Variants in GLP1R observed in about 807,000 individuals in gnomAD.
GLP1R encodes glucagon-like peptide 1 receptor.
A neutral mutation model predicts 68.4 loss-of-function variants in GLP1R; 32 were observed. The observed-to-expected ratio is 0.47, with a 90% confidence interval of 0.35 to 0.63. GLP1R has a LOEUF of 0.63. Ranked by LOEUF, GLP1R falls within the 20% of genes least tolerant of loss-of-function variation. The pLI is 0.00. For synonymous variants in GLP1R, 263 were observed against 244.4 expected (o/e 1.08, Z -0.71); for missense variants, 502 against 594.9 (o/e 0.84, Z 1.62).
Position 39,056,444 on chromosome 6 carries a change from C to T in GLP1R, c.126C>T (p.Tyr42=). 6.2e-7 allele frequency: 1 copy of T among 1,610,438 alleles called. No homozygotes were observed. The change falls in exon 2 of 13, where the codon TAC becomes TAT. Residue 42 remains tyrosine, a synonymous_variant. Coordinates refer to ENST00000373256, the MANE Select transcript of GLP1R (RefSeq NM_002062.5). ...LWETVQKWRE[Y]RRQCQRSLTE... is the part of the protein sequence containing the mutation. The stretch of plus-strand genomic sequence containing the variant: ...AGACGGTGCAGAAATGGCGAGAATA[C>T]CGACGCCAGTGCCAGCGCTCCCTGA...
intron 5 of GLP1R, among the ~76,000 whole-genome samples, chr6:39,067,483 G>GGGTGAAAAGCTCTCACAAACAC (rs1447136079): frequency 1.3e-5 from 2 of 152,176 alleles, no homozygotes; most frequent in Admixed American, 1.3e-4. Context: ...AGGGGCAAAT[G>GGGTGAAAAGCTCTCACAAACAC]GGTGAAAAGC....
intron 3 of GLP1R, among the ~76,000 whole-genome samples, chr6:39,063,983 TCTC>T (rs1768428663): frequency 6.8e-6 from 1 of 146,762 alleles, no homozygotes; most frequent in African/African-American, 2.5e-5. Context: ...TGAAGCCTCT[TCTC>T]AGGAGACTCA....
At chr6:39,057,414 G>T (rs777154542) in intron 2 of GLP1R, 58 bp from the exon 3 acceptor site, 3 of 1,118,332 alleles carry the variant, frequency 2.7e-6, no homozygotes, top group African/African-American at 1.5e-5. Context: ...GGGAAGGGAG[G>T]GAAAGGGCCA....
chr6:39,052,816 G>A (rs567516153), intron 1 of GLP1R, among the ~76,000 whole-genome samples: 2 of 152,340 alleles, frequency 1.3e-5, no homozygotes, highest in African/African-American at 2.4e-5. Flanking sequence ...GGCAACTGAT[G>A]AGGAAACTGA....
Position 39,048,913 on chromosome 6 carries a change from C to T in GLP1R, c.73C>T (p.Pro25Ser). 7.2e-7 allele frequency: 1 copy of T among 1,387,178 alleles called. No homozygotes were observed. The allele number at this position is 1,387,178 out of a possible 1,614,324, so 85.9% of individuals were successfully genotyped here. Reference protein sequence around the residue: ...LGMVGRAGPRPQGATVSLWET... With the variant: ...LGMVGRAGPRSQGATVSLWET... Reference sequence around the variant, plus strand: ...GATGGTGGGCAGGGCCGGCCCCCGCCCCCAGGTGAGATCCAGGGACCCCGA... The same window carrying T: ...GATGGTGGGCAGGGCCGGCCCCCGCTCCCAGGTGAGATCCAGGGACCCCGA... Residue 25 changes from proline to serine, a missense_variant, in exon 1 of 13, where the codon CCC becomes TCC. Transcript: ENST00000373256.
chr6:39,052,298 G>A (rs1440745812), intron 1 of GLP1R, among the ~76,000 whole-genome samples: 2 of 152,188 alleles, frequency 1.3e-5, no homozygotes, highest in Non-Finnish European at 2.9e-5. Flanking sequence ...ACAAGGGGCG[G>A]TCAAAGAGAC....
chr6:39,078,846 G>C (rs1163481560), intron 8 of GLP1R, 111 bp from the exon 9 acceptor site: 1 of 902,882 alleles, frequency 1.1e-6, no homozygotes, highest in African/African-American at 1.6e-5. Context: ...TGGGAGCTGT[G>C]TGTGTGGCAC....
chr6:39,072,091 A>C (rs1768685240), intron 5 of GLP1R, among the ~76,000 whole-genome samples: 1 of 152,254 alleles, frequency 6.6e-6, no homozygotes, highest in Admixed American at 6.5e-5. Context: ...ACTTATCAGC[A>C]ACCTTGCTAA....
chr6:39,084,509 A>G (rs1769094591), intron 12 of GLP1R, among the ~76,000 whole-genome samples: 1 of 152,110 alleles, frequency 6.6e-6, no homozygotes, highest in Non-Finnish European at 1.5e-5. Context: ...CGGAAGGGCT[A>G]TGAAACAAGC....
chr6:39,049,637 C>T lies in GLP1R; in HGVS notation c.78+719C>T, dbSNP rs149208089. On this transcript the variant is annotated intron_variant, in intron 1 of 12. Transcript: ENST00000373256. This position sits in a 1 kb window ranked among gnomAD's most constrained non-coding sequence, Gnocchi z 4.5. ...ACCCACTCTGCTGACCTCCCATTCT[C>T]ATCCTGCACTGACAGCAGGCCCCAA... 4.4e-3 allele frequency among the ~76,000 whole-genome samples: 665 copies of T among 152,270 alleles called. 5 individuals carry two copies. The highest frequency in any genetic ancestry group is 0.015 in the African/African-American group (618 of 41,540).
chr6:39,055,916 G>T (rs1216332509), intron 1 of GLP1R, among the ~76,000 whole-genome samples: 3 of 152,106 alleles, frequency 2.0e-5, no homozygotes, highest in Non-Finnish European at 4.4e-5. Flanking sequence ...GCTTCCTGGG[G>T]GGGCTGTGCA....
At position 39,089,326 on chromosome 6, in the gene GLP1R, T is replaced by C. The variant is rs1769221050; in HGVS notation, c.*3253T>C. Among the ~76,000 whole-genome samples the C allele has an allele frequency of 6.6e-6, 1 of 152,192 alleles. No homozygotes were observed. Among genetic ancestry groups the C allele is most frequent in the Non-Finnish European group, 1.5e-5 (1 of 68,028 alleles). On this transcript the variant is annotated 3_prime_UTR_variant, in exon 13 of 13. Coordinates refer to ENST00000373256, the MANE Select transcript of GLP1R (RefSeq NM_002062.5). The surrounding 1 kb of genome is among the most constrained non-coding windows in gnomAD (Gnocchi z 4.1). ...TCTCTATGTGTTTGAAAAGTTGTAT[T>C]GATAGTCACACAGAGTGTACTAAAA...
At position 39,071,606 on chromosome 6, in the gene GLP1R, C is replaced by T. The variant is rs148179821; in HGVS notation, c.510-1256C>T. Reference sequence around the variant, plus strand: ...CCTTGGTTTGCAATGACTGCCATTCCATGCAGCAAGGCTCCACGTATGTAT... The same window carrying T: ...CCTTGGTTTGCAATGACTGCCATTCTATGCAGCAAGGCTCCACGTATGTAT... On this transcript the variant is annotated intron_variant, in intron 5 of 12. Coordinates refer to ENST00000373256, the MANE Select transcript of GLP1R (RefSeq NM_002062.5). Among the ~76,000 whole-genome samples the T allele has an allele frequency of 3.1e-3, 472 of 152,140 alleles. 3 individuals are homozygous for T. Among genetic ancestry groups the T allele is most frequent in the African/African-American group, 0.011 (443 of 41,502 alleles).
At chr6:39,085,181 G>A (rs1284722678) in intron 12 of GLP1R, among the ~76,000 whole-genome samples, 1 of 152,056 alleles carries the variant, frequency 6.6e-6, no homozygotes, top group African/African-American at 2.4e-5. Context: ...GTCTCTTTCT[G>A]CCCCAACAAT....
At chr6:39,074,356 C>CT (rs962113298) in intron 7 of GLP1R, 4 of 151,366 alleles carry the variant, frequency 2.6e-5, no homozygotes, top group Non-Finnish European at 4.4e-5. Flanking sequence ...ACCATTGTGT[C>CT]TTTTTTTTTG....
chr6:39,063,401 C>T (rs745880663), intron 3 of GLP1R, among the ~76,000 whole-genome samples: 10 of 152,178 alleles, frequency 6.6e-5, no homozygotes, highest in Non-Finnish European at 1.5e-4. Flanking sequence ...GCCTCCCCTT[C>T]TCTGCCGTTG....
intron 3 of GLP1R, among the ~76,000 whole-genome samples, chr6:39,064,028 G>T (rs1224747491): frequency 7.3e-6 from 1 of 137,052 alleles, no homozygotes; most frequent in African/African-American, 2.9e-5. Context: ...TTGAGGCAGA[G>T]TCTCACTCTG....
chr6:39,066,116 G>A, intron 4 of GLP1R, 81 bp from the exon 5 acceptor site: 1 of 819,186 alleles, frequency 1.2e-6, no homozygotes. Flanking sequence ...CCCCAGCTCT[G>A]TCTCTGTGCC....
chr6:39,065,848 C>A lies in GLP1R; in HGVS notation c.402+19C>A. 6.8e-7 allele frequency: 1 copy of A among 1,473,054 alleles called. No homozygotes were observed. Among genetic ancestry groups the A allele is most frequent in the Admixed American group, 1.7e-5 (1 of 59,058 alleles). The allele number at this position is 1,473,054 out of a possible 1,614,324, so 91.2% of individuals were successfully genotyped here. On this transcript the variant is annotated intron_variant, in intron 4 of 12. Coordinates refer to ENST00000373256, the MANE Select transcript of GLP1R (RefSeq NM_002062.5). ...GGAAAGAGTGAGTTGAGGCGGGGTT[C>A]TGAGCCAGGGAGCGGGGAGCCATGT... is the stretch of plus-strand genomic sequence containing the variant.
Sources: gnomAD v4.1 joint callset for allele counts (sites outside exome capture counted in the v4.1 genomes callset) on GRCh38, gnomAD v4.1.1 for gene constraint, Gnocchi (gnomAD v3.1) non-coding constraint, MANE v1.5 for transcripts, NCBI Gene and HGNC (gene_info 2026-07-23, HGNC 2026-07-21) for gene names.